The following FOXP2 variants were observed in gnomAD, a reference collection of about 807,000 sequenced individuals.
FOXP2 encodes the protein forkhead box protein P2.
In FOXP2, 12 loss-of-function variants were observed where a neutral mutation model predicts 115.8. The observed-to-expected ratio is 0.10, with a 90% CI of 0.07 to 0.17. FOXP2 has a LOEUF of 0.17. Among genes scored for constraint, FOXP2 ranks in the 10% least tolerant of loss-of-function variants. The probability of loss-of-function intolerance (pLI) is 1.00; values close to 1 mark genes in which losing one functional copy is unlikely to be tolerated. For missense variants in FOXP2, 629 were observed against 843.5 expected (o/e 0.75, Z 3.15); for synonymous variants, 328 against 297.7 (o/e 1.10, Z -1.05).
At chr7:114,178,937 A>G (rs1050557350) in intron 1 of FOXP2, among the ~76,000 whole-genome samples, 1 of 151,888 alleles carries the variant, frequency 6.6e-6, no homozygotes, top group South Asian at 2.1e-4. Flanking sequence ...CTCTCCATAA[A>G]CAAATGTATT....
intron 3 of FOXP2, among the ~76,000 whole-genome samples, chr7:114,566,662 A>G (rs924074164): frequency 1.3e-5 from 2 of 151,958 alleles, no homozygotes; most frequent in Non-Finnish European, 2.9e-5. Flanking sequence ...CTTATAAATT[A>G]CTCAGCCTCA....
At chr7:114,210,510 A>G (rs912273422) in intron 1 of FOXP2, among the ~76,000 whole-genome samples, 1 of 152,064 alleles carries the variant, frequency 6.6e-6, no homozygotes, top group African/African-American at 2.4e-5. Flanking sequence ...TGGCAGCCAA[A>G]TTTTTGCCCT....
At chr7:114,644,810 T>C in intron 8 of FOXP2, 21 bp downstream of exon 8, 3 of 1,538,588 alleles carry the variant, frequency 1.9e-6, no homozygotes, top group Non-Finnish European at 2.7e-6. Flanking sequence ...TACTTTTTTT[T>C]GGTGGGGGGC....
chr7:114,462,101 G>C (rs1012721130), intron 2 of FOXP2, among the ~76,000 whole-genome samples: 1 of 151,130 alleles, frequency 6.6e-6, no homozygotes, highest in Non-Finnish European at 1.5e-5. Context: ...CCAACATGGC[G>C]AAGCCCCCGT....
intron 2 of FOXP2, among the ~76,000 whole-genome samples, chr7:114,519,264 T>C (rs891993349): frequency 6.6e-6 from 1 of 152,204 alleles, no homozygotes; most frequent in Non-Finnish European, 1.5e-5. Flanking sequence ...AGATCCCTTT[T>C]GTAAAAATAG....
Position 114,338,043 on chromosome 7 carries a change from C to T in FOXP2, c.-11+49934C>T, listed in dbSNP as rs147378420. Among the ~76,000 whole-genome samples the T allele has an allele frequency of 6.4e-3, 972 of 150,856 alleles. 8 individuals are homozygous for T. The highest frequency in any genetic ancestry group is 0.023 in the African/African-American group (939 of 41,370). On this transcript the variant is annotated intron_variant, in intron 2 of 17. Coordinates refer to the FOXP2 transcript ENST00000634411. ...ATTTTTAATTGGAATATGTAGAGGCCTATTATATATTTTGAGTGTTATTAA... is the reference window on the plus strand; with the variant it reads ...ATTTTTAATTGGAATATGTAGAGGCTTATTATATATTTTGAGTGTTATTAA...
chr7:114,122,026 T>G (rs191033929), intron 1 of FOXP2, among the ~76,000 whole-genome samples: 21 of 152,238 alleles, frequency 1.4e-4, no homozygotes, highest in Admixed American at 1.4e-3. Context: ...CATCAGAACT[T>G]GATAGCATTA....
intron 1 of FOXP2, among the ~76,000 whole-genome samples, chr7:114,189,111 T>G (rs1793689738): frequency 1.3e-5 from 2 of 152,320 alleles, no homozygotes; most frequent in Non-Finnish European, 2.9e-5. Context: ...TTTCATCTGC[T>G]ACACCTTCCC....
intron 3 of FOXP2, among the ~76,000 whole-genome samples, chr7:114,592,168 T>A (rs1802471960): frequency 1.3e-5 from 2 of 152,122 alleles, no homozygotes; most frequent in African/African-American, 4.8e-5. Context: ...ATTTAAATTA[T>A]CATTACATGA....
chr7:114,116,731 G>A (rs534159438), intron 1 of FOXP2, among the ~76,000 whole-genome samples: 4 of 152,074 alleles, frequency 2.6e-5, no homozygotes, highest in African/African-American at 9.7e-5. Context: ...CGTAAAATGG[G>A]TTGGTAATTA....
chr7:114,664,684 T>A, intron 16 of FOXP2: 1 of 504,578 alleles, frequency 2.0e-6, no homozygotes. Flanking sequence ...ACTACTAATG[T>A]TCTCTTGGGC....
At chr7:114,259,117 C>T (rs1470229154) in intron 1 of FOXP2, among the ~76,000 whole-genome samples, 1 of 152,028 alleles carries the variant, frequency 6.6e-6, no homozygotes, top group Non-Finnish European at 1.5e-5. Flanking sequence ...TGAGAGTCTT[C>T]GATCAACTTA....
rs1386630238 is a variant in FOXP2 at position 114,338,018 on chromosome 7, A to T, written c.-11+49909A>T. Reference sequence around the variant, plus strand: ...ATACTCAAATATTTTAAGGACTTCTATTTTTAATTGGAATATGTAGAGGCC... The same window carrying T: ...ATACTCAAATATTTTAAGGACTTCTTTTTTTAATTGGAATATGTAGAGGCC... On this transcript the variant is annotated intron_variant, in intron 2 of 17. Coordinates refer to the FOXP2 transcript ENST00000634411. Among the ~76,000 whole-genome samples the T allele has an allele frequency of 2.6e-5, 4 of 151,346 alleles. 1 individual carries two copies. In the South Asian group the frequency reaches 6.2e-4, roughly 24 times the overall value.
At chr7:114,471,674 G>A (rs944924630) in intron 2 of FOXP2, among the ~76,000 whole-genome samples, 3 of 151,818 alleles carry the variant, frequency 2.0e-5, no homozygotes, top group African/African-American at 7.3e-5. Context: ...TTCCAGCCAG[G>A]TGCGGTGGTT....
chr7:114,089,866 A>T (rs536005282), intron 1 of FOXP2, among the ~76,000 whole-genome samples: 1 of 152,126 alleles, frequency 6.6e-6, no homozygotes, highest in South Asian at 2.1e-4. Flanking sequence ...ACTTCATGAA[A>T]AGTATATTGA....
rs978430601 is a variant in FOXP2 at position 114,626,531 on chromosome 7, A to C, written c.259-2009A>C. Among the ~76,000 whole-genome samples, 20 of 147,318 alleles carry C rather than the reference A, an allele frequency of 1.4e-4. No homozygotes were observed. The East Asian group carries it at 1.9e-3, about 14-fold the overall frequency. ...CTATGATTAACTTTATAGAAGGCAT[A>C]TCTCTCTCTCTCTCTCTCTCTGTCT... On this transcript the variant is annotated intron_variant, in intron 3 of 16. Transcript: ENST00000350908.
intron 6 of FOXP2, among the ~76,000 whole-genome samples, chr7:114,638,383 A>G (rs1320848722): frequency 6.6e-6 from 1 of 152,194 alleles, no homozygotes; most frequent in Non-Finnish European, 1.5e-5. Context: ...AACAGCATTT[A>G]TAAGACTACT....
intron 2 of FOXP2, among the ~76,000 whole-genome samples, chr7:114,484,165 G>A (rs1022462723): frequency 6.6e-6 from 1 of 151,704 alleles, no homozygotes; most frequent in South Asian, 2.1e-4. Context: ...CTTATCAAAG[G>A]TTGCCGATTT....
chr7:114,612,553 A>G (rs2129318855), intron 3 of FOXP2, among the ~76,000 whole-genome samples: 1 of 152,288 alleles, frequency 6.6e-6, no homozygotes, highest in South Asian at 2.1e-4. Flanking sequence ...AAGGTTAAGA[A>G]TGTTGAAGGT....
Sources: gnomAD v4.1 joint callset for allele counts (sites outside exome capture counted in the v4.1 genomes callset) on GRCh38, gnomAD v4.1.1 for gene constraint, MANE v1.5 for transcripts, NCBI Gene and HGNC (gene_info 2026-07-23, HGNC 2026-07-21) for gene names.